LTN1: variants seen among roughly 807,000 people sequenced by gnomAD.
The protein encoded by LTN1 is listerin E3 ubiquitin protein ligase 1.
Under a neutral mutation model 201.2 loss-of-function variants are expected in LTN1, and 88 were observed. That is an observed-to-expected ratio of 0.44 (90% CI 0.37 to 0.52). The LOEUF (loss-of-function observed/expected upper bound fraction) is 0.52. Among genes scored for constraint, LTN1 ranks in the 20% least tolerant of loss-of-function variants. The pLI, the probability that LTN1 is intolerant of heterozygous loss-of-function variation, is 0.00. For synonymous variants in LTN1, 645 were observed against 713.5 expected, an observed-to-expected ratio of 0.90 and a Z score of 1.53; for missense variants, 1,752 against 2,038.7, an observed-to-expected ratio of 0.86 and a Z score of 2.71.
intron 23 of LTN1, 91 bp downstream of exon 23, chr21:28,943,576 A>C (rs1223303869): frequency 2.9e-6 from 3 of 1,037,894 alleles, no homozygotes; most frequent in East Asian, 2.6e-5. Context: ...TCTTTTAAAA[A>C]TTTTACTTTA....
At chr21:28,942,934 T>TC (rs1451222969) in intron 24 of LTN1, among the ~76,000 whole-genome samples, 16 of 152,166 alleles carry the variant, frequency 1.1e-4, no homozygotes, top group African/African-American at 3.9e-4. Context: ...CACTGCATAT[T>TC]CCCCTCAGCA....
chr21:28,959,712 G>A lies in LTN1; in HGVS notation c.2354-15C>T. On this transcript the variant is annotated splice_polypyrimidine_tract_variant and intron_variant, in intron 12 of 29. Transcript: ENST00000361371. ...AATCAAGTAATCTGGAGAAAAAAAG[G>A]TTCAAACAGACAAAAAATAAAAATA... 4 of 1,558,856 alleles carry A rather than the reference G, an allele frequency of 2.6e-6. No homozygotes were observed. Among genetic ancestry groups the A allele is most frequent in the South Asian group, 1.2e-5 (1 of 83,664 alleles).
chr21:28,957,514 G>C, intron 14 of LTN1, 38 bp from the exon 15 acceptor site: 1 of 1,465,950 alleles, frequency 6.8e-7, no homozygotes, highest in Non-Finnish European at 9.1e-7. Flanking sequence ...TTGTAGTTAC[G>C]CTATGACTAG....
intron 11 of LTN1, chr21:28,964,709 G>A (rs2084506925): frequency 1.3e-6 from 2 of 1,550,320 alleles, no homozygotes; most frequent in African/African-American, 2.7e-5. Context: ...TCACTGCTCA[G>A]GAAGAGGATT....
intron 24 of LTN1, 22 bp from the exon 25 acceptor site, chr21:28,941,428 C>G: frequency 2.6e-6 from 4 of 1,549,078 alleles, no homozygotes; most frequent in Non-Finnish European, 3.5e-6. Flanking sequence ...TGATTAAACA[C>G]CACAAGTTTT....
intron 25 of LTN1, 111 bp from the exon 26 acceptor site, chr21:28,936,808 C>CAT: frequency 1.4e-6 from 1 of 735,590 alleles, no homozygotes; most frequent in Non-Finnish European, 2.3e-6. Flanking sequence ...AGCAGACATT[C>CAT]TATCCCCTCA....
At chr21:28,937,645 T>A (rs2084266858) in intron 25 of LTN1, among the ~76,000 whole-genome samples, 2 of 152,146 alleles carry the variant, frequency 1.3e-5, no homozygotes, top group Admixed American at 1.3e-4. Context: ...ACATCACTAA[T>A]GAAGGATGAA....
At chr21:28,981,561 T>G (rs1289269254) in intron 5 of LTN1, among the ~76,000 whole-genome samples, 1 of 152,224 alleles carries the variant, frequency 6.6e-6, no homozygotes, top group Non-Finnish European at 1.5e-5. Flanking sequence ...CTCGGTAGCA[T>G]GTACAAGGGT....
intron 27 of LTN1, among the ~76,000 whole-genome samples, chr21:28,933,890 G>C (rs925137322): frequency 6.6e-6 from 1 of 152,096 alleles, no homozygotes; most frequent in Non-Finnish European, 1.5e-5. Context: ...TGGCCAGGCT[G>C]GTCTTGAGCT....
intron 4 of LTN1, 34 bp downstream of exon 4, chr21:28,984,658 A>G: frequency 1.3e-6 from 2 of 1,546,468 alleles, no homozygotes; most frequent in Non-Finnish European, 1.8e-6. Context: ...TACTTAAAAA[A>G]AAAAAATAGA....
At position 28,952,376 on chromosome 21, in the gene LTN1, T is replaced by C. The variant is rs1472602758; in HGVS notation, c.3240-112A>G. The stretch of plus-strand genomic sequence containing the variant: ...CAGAATTAAATAAAGCACCTTGTGA[T>C]GGCATCAATTCACCTAAGACTTTGC... On this transcript the variant is annotated intron_variant, in intron 17 of 29. Coordinates refer to ENST00000361371, the MANE Select transcript of LTN1 (RefSeq NM_015565.3). The C allele has an allele frequency of 4.9e-6, 3 of 606,246 alleles. No homozygotes were observed. The African/African-American group carries it at 5.6e-5, about 11-fold the overall frequency. The allele number at this position is 606,246 out of a possible 1,614,324, so 37.6% of individuals were successfully genotyped here.
chr21:28,960,947 CTTTTT>C (rs61117798), intron 11 of LTN1: 1 of 279,454 alleles, frequency 3.6e-6, no homozygotes, highest in Non-Finnish European at 6.4e-6. Flanking sequence ...CCACCCCCCC[CTTTTT>C]TTTTTAACTT....
intron 11 of LTN1, among the ~76,000 whole-genome samples, chr21:28,962,561 A>G (rs979221282): frequency 6.6e-6 from 1 of 152,170 alleles, no homozygotes; most frequent in Non-Finnish European, 1.5e-5. Context: ...CCGCTGACCG[A>G]CCATTCCCTA....
At chr21:28,953,008 A>C (rs564986136) in intron 17 of LTN1, among the ~76,000 whole-genome samples, 1 of 152,326 alleles carries the variant, frequency 6.6e-6, no homozygotes, top group African/African-American at 2.4e-5. Flanking sequence ...TTATGGATTT[A>C]ATAAGACAGG....
At chr21:28,952,644 A>G (rs962386180) in intron 17 of LTN1, among the ~76,000 whole-genome samples, 1 of 152,234 alleles carries the variant, frequency 6.6e-6, no homozygotes, top group African/African-American at 2.4e-5. Flanking sequence ...GGTTCTGAGG[A>G]AAGTTGTGTC....
Position 28,966,505 on chromosome 21 carries a change from T to C in LTN1, c.1986A>G (p.Leu662=), listed in dbSNP as rs749345784. The C allele has an allele frequency of 5.0e-6, 8 of 1,614,160 alleles. No individual in the cohort carries two copies. Among genetic ancestry groups the C allele is most frequent in the Non-Finnish European group, 1.7e-6 (2 of 1,180,014 alleles). The stretch of plus-strand genomic sequence containing the variant: ...TTAGCCAACCTATCAGTTTCTGGTA[T>C]AAAAACTGCACCGCAGGATTTTTTT... ...LVQKNPAVQF[L]YQKLIGWLNE... Residue 662 remains leucine (L), a synonymous_variant, in exon 10 of 30, where the codon TTA becomes TTG. Coordinates refer to ENST00000361371, the MANE Select transcript of LTN1 (RefSeq NM_015565.3).
chr21:28,992,773 C>T lies in LTN1; in HGVS notation c.33G>A (p.Gly11=), dbSNP rs746867802. 1.9e-6 allele frequency: 3 copies of T among 1,614,198 alleles called. No homozygotes were observed. The highest frequency in any genetic ancestry group is 2.5e-6 in the Non-Finnish European group (3 of 1,180,032). Residue 11 remains glycine, a synonymous_variant, in exon 1 of 30, where the codon GGG becomes GGA. Transcript: ENST00000361371. The part of the protein sequence containing the change: MGGKNKQRTK[G]NLRPSNSGRA... ...GCCAGCCCCCGCTCACCCTCAGGTT[C>T]CCTTTAGTTCGCTGCTTGTTCTTCC...
At chr21:28,985,586 A>G (rs966350511) in intron 3 of LTN1, among the ~76,000 whole-genome samples, 4 of 152,126 alleles carry the variant, frequency 2.6e-5, no homozygotes, top group African/African-American at 9.7e-5. Context: ...GCACCTGGGT[A>G]ATTCTCCAGT....
intron 8 of LTN1, 126 bp from the exon 9 acceptor site, chr21:28,969,727 T>A: frequency 1.8e-6 from 1 of 558,868 alleles, no homozygotes; most frequent in Non-Finnish European, 3.0e-6. Context: ...TTTCTTAAAC[T>A]ACAAATTAAA....
Sources: gnomAD v4.1 joint callset for allele counts (sites outside exome capture counted in the v4.1 genomes callset) on GRCh38, gnomAD v4.1.1 for gene constraint, MANE v1.5 for transcripts, NCBI Gene and HGNC (gene_info 2026-07-23, HGNC 2026-07-21) for gene names.